Variants in FAM110D observed in about 807,000 individuals in gnomAD.
FAM110D encodes the protein family with sequence similarity 110 member D, also known as protein FAM110D.
For synonymous variants in FAM110D, 174 were observed against 189.4 expected, an observed-to-expected ratio of 0.92 and a Z score of 0.67; for missense variants, 376 against 395.6, an observed-to-expected ratio of 0.95 and a Z score of 0.42.
At position 26,162,764 on chromosome 1, in the gene FAM110D, A is replaced by G. The variant is rs2088382941; in HGVS notation, c.*657A>G. ...AGAAATCTGGGCTCCACCAGATCCT[A>G]AAAGGCCCCATTCCCGGAGTTTTGC... On this transcript the variant is annotated 3_prime_UTR_variant, in exon 2 of 2. Transcript: ENST00000374268. This position sits in a 1 kb window ranked among gnomAD's most constrained non-coding sequence, Gnocchi z 5.3. 1 of 152,158 alleles carries G rather than the reference A, an allele frequency of 6.6e-6. No homozygotes were observed. Among genetic ancestry groups the G allele is most frequent in the Non-Finnish European group, 1.5e-5 (1 of 68,022 alleles). 9.4% of individuals were successfully genotyped at this position (152,158 alleles called of 1,614,324 possible). A position where few individuals can be genotyped will look rare whatever the true frequency, so the allele number is the denominator to read the frequency against.
chr1:26,162,131 CG>C lies in FAM110D; in HGVS notation c.*27del. ...GACCGCCGCGGCTCCGGACTGGCCC[CG>C]GGACTGGCCCCGGGCACGGAAAAGG... On this transcript the variant is annotated 3_prime_UTR_variant, in exon 2 of 2. Coordinates refer to ENST00000374268, the MANE Select transcript of FAM110D (RefSeq NM_024869.3). This position sits in a 1 kb window ranked among gnomAD's most constrained non-coding sequence, Gnocchi z 5.3. 1.6e-6 allele frequency: 2 copies of C among 1,235,214 alleles called. No homozygotes were observed. Among genetic ancestry groups the C allele is most frequent in the Non-Finnish European group, 2.0e-6 (2 of 982,028 alleles). The allele number at this position is 1,235,214 out of a possible 1,614,324, so 76.5% of individuals were successfully genotyped here.
At chr1:26,159,580 G>T (rs2088341591) in intron 1 of FAM110D, among the ~76,000 whole-genome samples, 1 of 151,076 alleles carries the variant, frequency 6.6e-6, no homozygotes, top group African/African-American at 2.4e-5. Context: ...GACTCTCCTT[G>T]GTTCCCAGGC....
In FAM110D at chr1:26,163,818, T is replaced by C. The variant is rs941373676; in HGVS notation, c.*1711T>C. Reference sequence around the variant, plus strand: ...GGTTCTCTAGTTAATCTTTGACCTTTTTCCTAGTACAGGGACGGCGCACAT... The same window carrying C: ...GGTTCTCTAGTTAATCTTTGACCTTCTTCCTAGTACAGGGACGGCGCACAT... On this transcript the variant is annotated 3_prime_UTR_variant, in exon 2 of 2. Coordinates refer to ENST00000374268, the MANE Select transcript of FAM110D (RefSeq NM_024869.3). 9.7e-6 allele frequency: 2 copies of C among 207,162 alleles called. No individual in the cohort carries two copies. Among genetic ancestry groups the C allele is most frequent in the Non-Finnish European group, 1.9e-5 (2 of 105,332 alleles). The allele number at this position is 207,162 out of a possible 1,614,324, so 12.8% of individuals were successfully genotyped here.
In FAM110D at chr1:26,161,163, G is replaced by A; in HGVS notation, c.-80-49G>A. ...ATACTGAGGAATGCCGGCAGGAGAG[G>A]ACCAGGGGCATTTCCTACCCTTCCC... On this transcript the variant is annotated intron_variant, in intron 1 of 1. Coordinates refer to ENST00000374268, the MANE Select transcript of FAM110D (RefSeq NM_024869.3). The surrounding 1 kb of genome is among the most constrained non-coding windows in gnomAD (Gnocchi z 5.4). The A allele has an allele frequency of 2.1e-6, 2 of 941,186 alleles. No homozygotes were observed. Among genetic ancestry groups the A allele is most frequent in the Non-Finnish European group, 3.1e-6 (2 of 638,052 alleles). The allele number at this position is 941,186 out of a possible 1,614,324, so 58.3% of individuals were successfully genotyped here.
In FAM110D at chr1:26,161,426, G is replaced by A. The variant is rs1037262635; in HGVS notation, c.135G>A (p.Gly45=). The A allele has an allele frequency of 6.3e-7, 1 of 1,592,326 alleles. No homozygotes were observed. The highest frequency in any genetic ancestry group is 8.5e-7 in the Non-Finnish European group (1 of 1,169,878). Residue 45 remains glycine (G), a synonymous_variant, in exon 2 of 2, where the codon GGG becomes GGA. Coordinates refer to ENST00000374268, the MANE Select transcript of FAM110D (RefSeq NM_024869.3). The surrounding 1 kb of genome is among the most constrained non-coding windows in gnomAD (Gnocchi z 5.4). The stretch of plus-strand genomic sequence containing the variant: ...GGCGACAGGAGCCAGCCCTGCGTGG[G>A]AGTCCTGGGCCGCTCACGCCGCACC... ...IARRQEPALR[G]SPGPLTPHPC...
Position 26,161,771 on chromosome 1 carries a change from G to A in FAM110D, c.480G>A (p.Ser160=), listed in dbSNP as rs1219206719. ...GTCCCACGTGCTCGCTGCCCCTGTC[G>A]GAGAAGGAGCGCTTCTTCAACTACT... ...ALCPTCSLPL[S]EKERFFNYCG... Residue 160 remains serine, a synonymous_variant, in exon 2 of 2, where the codon TCG becomes TCA. Transcript: ENST00000374268. This position sits in a 1 kb window ranked among gnomAD's most constrained non-coding sequence, Gnocchi z 5.4. 10 of 1,550,504 alleles carry A rather than the reference G, an allele frequency of 6.4e-6. No individual in the cohort carries two copies. Among genetic ancestry groups the A allele is most frequent in the Non-Finnish European group, 7.8e-6 (9 of 1,147,700 alleles).
In FAM110D at chr1:26,161,527, C is replaced by A; in HGVS notation, c.236C>A (p.Pro79Gln). 3.9e-6 allele frequency: 6 copies of A among 1,550,738 alleles called. No homozygotes were observed. The highest frequency in any genetic ancestry group is 5.2e-6 in the Non-Finnish European group (6 of 1,147,102). Residue 79 changes from proline to glutamine, a missense_variant, in exon 2 of 2, where the codon CCG becomes CAG. Coordinates refer to ENST00000374268, the MANE Select transcript of FAM110D (RefSeq NM_024869.3). The surrounding 1 kb of genome is among the most constrained non-coding windows in gnomAD (Gnocchi z 5.4). ...CGCCGGGGAAGCGGCAGGCGGCTGC[C>A]GAGGCCTGATTCCCTCATCTTCTAC... ...PVRRGSGRRL[P>Q]RPDSLIFYRQ... is the part of the protein sequence containing the mutation.
In FAM110D at chr1:26,162,364, C is replaced by T. The variant is rs1196711853; in HGVS notation, c.*257C>T. ...TTGGGGTGGGAGATGAGCAAACCTG[C>T]TGAATAAAGTTAAAACGTTATTTAA... On this transcript the variant is annotated 3_prime_UTR_variant, in exon 2 of 2. Transcript: ENST00000374268. This position sits in a 1 kb window ranked among gnomAD's most constrained non-coding sequence, Gnocchi z 5.3. 2 of 337,014 alleles carry T rather than the reference C, an allele frequency of 5.9e-6. No homozygotes were observed. The highest frequency in any genetic ancestry group is 4.9e-5 in the Admixed American group (1 of 20,268). The allele number at this position is 337,014 out of a possible 1,614,324, so 20.9% of individuals were successfully genotyped here.
chr1:26,162,087 C>T lies in FAM110D; in HGVS notation c.796C>T (p.Pro266Ser). Residue 266 changes from proline (P) to serine (S), a missense_variant, in exon 2 of 2, where the codon CCG (proline) becomes TCG (serine). Transcript: ENST00000374268. The surrounding 1 kb of genome is among the most constrained non-coding windows in gnomAD (Gnocchi z 5.3). ...LYGCQRARGPPRESEV is the reference protein window; with the variant it reads ...LYGCQRARGPSRESEV The stretch of plus-strand genomic sequence containing the variant: ...CGGCTGCCAGCGCGCCCGCGGACCG[C>T]CGCGCGAGTCCGAGGTGTGACCGCC... 1 of 1,271,004 alleles carries T rather than the reference C, an allele frequency of 7.9e-7. No individual in the cohort carries two copies. The highest frequency in any genetic ancestry group is 9.9e-7 in the Non-Finnish European group (1 of 1,009,568). 78.7% of individuals were successfully genotyped at this position (1,271,004 alleles called of 1,614,324 possible).
Position 26,162,333 on chromosome 1 carries a change from T to A in FAM110D, c.*226T>A, listed in dbSNP as rs150394503. 6.2e-5 allele frequency: 23 copies of A among 368,940 alleles called. No homozygotes were observed. The Middle Eastern group carries it at 3.7e-3, about 59-fold the overall frequency. The allele number at this position is 368,940 out of a possible 1,614,324, so 22.9% of individuals were successfully genotyped here. On this transcript the variant is annotated 3_prime_UTR_variant, in exon 2 of 2. Transcript: ENST00000374268. This position sits in a 1 kb window ranked among gnomAD's most constrained non-coding sequence, Gnocchi z 5.3. ...CCCTGTGGAGACCCGGTCTGGGGAG[T>A]CACGATTGGGGTGGGAGATGAGCAA... is the stretch of plus-strand genomic sequence containing the variant.
Position 26,162,147 on chromosome 1 carries a change from C to T in FAM110D, c.*40C>T. ...GACTGGCCCCGGGACTGGCCCCGGG[C>T]ACGGAAAAGGACACCCCTCTTCTGG... On this transcript the variant is annotated 3_prime_UTR_variant, in exon 2 of 2. Transcript: ENST00000374268. The surrounding 1 kb of genome is among the most constrained non-coding windows in gnomAD (Gnocchi z 5.3). The T allele has an allele frequency of 4.2e-6, 5 of 1,201,056 alleles. No individual in the cohort carries two copies. Among genetic ancestry groups the T allele is most frequent in the Non-Finnish European group, 5.3e-6 (5 of 951,196 alleles). The allele number at this position is 1,201,056 out of a possible 1,614,324, so 74.4% of individuals were successfully genotyped here. A position where few individuals can be genotyped will look rare whatever the true frequency, so the allele number is the denominator to read the frequency against.
chr1:26,161,934 G>A lies in FAM110D; in HGVS notation c.643G>A (p.Asp215Asn), dbSNP rs1207849076. Residue 215 changes from aspartate to asparagine, a missense_variant, in exon 2 of 2, where the codon GAC becomes AAC. Coordinates refer to ENST00000374268, the MANE Select transcript of FAM110D (RefSeq NM_024869.3). This position sits in a 1 kb window ranked among gnomAD's most constrained non-coding sequence, Gnocchi z 5.4. Reference protein sequence around the residue: ...SGDASDWTSSDRGVDSPGGAG... With the variant: ...SGDASDWTSSNRGVDSPGGAG... ...GGACGCCAGCGACTGGACATCCAGC[G>A]ACAGGGGCGTGGACAGCCCGGGCGG... 1 of 1,400,990 alleles carries A rather than the reference G, an allele frequency of 7.1e-7. No individual in the cohort carries two copies. The highest frequency in any genetic ancestry group is 2.9e-5 in the East Asian group (1 of 34,308). The allele number at this position is 1,400,990 out of a possible 1,614,324, so 86.8% of individuals were successfully genotyped here.
chr1:26,161,308 C>T lies in FAM110D; in HGVS notation c.17C>T (p.Pro6Leu). Residue 6 changes from proline (P) to leucine (L), a missense_variant, in exon 2 of 2, where the codon CCC (proline) becomes CTC (leucine). Transcript: ENST00000374268. This position sits in a 1 kb window ranked among gnomAD's most constrained non-coding sequence, Gnocchi z 5.4. MLLAP[P>L]STPSRGRTPS... ...TCTGCTAAGATGCTCCTGGCCCCTC[C>T]CTCCACCCCGTCCAGAGGACGGACC... is the stretch of plus-strand genomic sequence containing the variant. The T allele has an allele frequency of 1.3e-6, 2 of 1,582,518 alleles. No homozygotes were observed. The highest frequency in any genetic ancestry group is 1.7e-6 in the Non-Finnish European group (2 of 1,164,738).
chr1:26,161,747 T>C lies in FAM110D; in HGVS notation c.456T>C (p.Cys152=), dbSNP rs2088370473. Residue 152 remains cysteine, a synonymous_variant, in exon 2 of 2, where the codon TGT becomes TGC. Transcript: ENST00000374268. The surrounding 1 kb of genome is among the most constrained non-coding windows in gnomAD (Gnocchi z 5.4). ...AAGCGGCGGGAAAGCGGGCGCTGTG[T>C]CCCACGTGCTCGCTGCCCCTGTCGG... The part of the protein sequence containing the change: ...APEAAGKRAL[C]PTCSLPLSEK... 2.6e-6 allele frequency: 4 copies of C among 1,548,946 alleles called. No individual in the cohort carries two copies. The highest frequency in any genetic ancestry group is 3.5e-6 in the Non-Finnish European group (4 of 1,146,728).
At position 26,162,714 on chromosome 1, in the gene FAM110D, G is replaced by A. The variant is rs1476833123; in HGVS notation, c.*607G>A. Reference sequence around the variant, plus strand: ...CTGGGAGCTGGGAATAATGCGCTTTGGGAGCCCGAGGAGGCGTCTGCTCCA... The same window carrying A: ...CTGGGAGCTGGGAATAATGCGCTTTAGGAGCCCGAGGAGGCGTCTGCTCCA... On this transcript the variant is annotated 3_prime_UTR_variant, in exon 2 of 2. Transcript: ENST00000374268. This position sits in a 1 kb window ranked among gnomAD's most constrained non-coding sequence, Gnocchi z 5.3. 6.6e-6 allele frequency: 1 copy of A among 152,394 alleles called. No homozygotes were observed. Among genetic ancestry groups the A allele is most frequent in the Non-Finnish European group, 1.5e-5 (1 of 68,040 alleles). 9.4% of individuals were successfully genotyped at this position (152,394 alleles called of 1,614,324 possible).
In FAM110D at chr1:26,162,024, G is replaced by C. The variant is rs2088376014; in HGVS notation, c.733G>C (p.Val245Leu). ...GCGGGACCGGCGCCCCCCGGTGTCG[G>C]TGGTGGAGCGCAACGCGCGCGTCAT... ...SARDRRPPVS[V>L]VERNARVIQW... Residue 245 changes from valine (V) to leucine (L), a missense_variant, in exon 2 of 2, where the codon GTG becomes CTG. By Grantham distance (32) the Val-to-Leu change is conservative. Transcript: ENST00000374268. The surrounding 1 kb of genome is among the most constrained non-coding windows in gnomAD (Gnocchi z 5.3). 8.0e-7 allele frequency: 1 copy of C among 1,246,742 alleles called. No individual in the cohort carries two copies. The highest frequency in any genetic ancestry group is 1.6e-5 in the African/African-American group (1 of 64,144). 77.2% of individuals were successfully genotyped at this position (1,246,742 alleles called of 1,614,324 possible). A position where few individuals can be genotyped will look rare whatever the true frequency, so the allele number is the denominator to read the frequency against.
chr1:26,161,810 C>T lies in FAM110D; in HGVS notation c.519C>T (p.Arg173=). 1.3e-6 allele frequency: 2 copies of T among 1,548,960 alleles called. No homozygotes were observed. Among genetic ancestry groups the T allele is most frequent in the Non-Finnish European group, 1.7e-6 (2 of 1,147,426 alleles). ...TCTTCAACTACTGCGGCCTGGAGCGCGCGCTGGTGGAGGTGCTGGGCGCAG... is the reference window on the plus strand; with the variant it reads ...TCTTCAACTACTGCGGCCTGGAGCGTGCGCTGGTGGAGGTGCTGGGCGCAG... ...ERFFNYCGLE[R]ALVEVLGAER... is the part of the protein sequence containing the mutation. Residue 173 remains arginine (R), a synonymous_variant, in exon 2 of 2, where the codon CGC becomes CGT. Transcript: ENST00000374268. This position sits in a 1 kb window ranked among gnomAD's most constrained non-coding sequence, Gnocchi z 5.4.
In FAM110D at chr1:26,159,479, T is replaced by G. The variant is rs559047000; in HGVS notation, c.-81+353T>G. ...AAGAGGAGAGGACAGAGGGCACCCA[T>G]GGGGTCAGACAAGCAGTGCCTTCCT... On this transcript the variant is annotated intron_variant, in intron 1 of 1. Coordinates refer to ENST00000374268, the MANE Select transcript of FAM110D (RefSeq NM_024869.3). Among the ~76,000 whole-genome samples, 14 of 151,950 alleles carry G rather than the reference T, an allele frequency of 9.2e-5. No homozygotes were observed. In the East Asian group the frequency reaches 2.7e-3, roughly 29 times the overall value.
In FAM110D at chr1:26,161,476, C is replaced by T; in HGVS notation, c.185C>T (p.Ala62Val). The change falls in exon 2 of 2, where the codon GCA (alanine) becomes GTA (valine). Residue 62 changes from alanine to valine, a missense_variant. By Grantham distance (64) the Ala-to-Val change is moderately conservative (BLOSUM62 0). Coordinates refer to ENST00000374268, the MANE Select transcript of FAM110D (RefSeq NM_024869.3). This position sits in a 1 kb window ranked among gnomAD's most constrained non-coding sequence, Gnocchi z 5.4. ...CCCTGCAACGAGCTGGGGCCCCCTGCATCGCCCAGGACGCCCAGGCCGGTC... is the reference window on the plus strand; with the variant it reads ...CCCTGCAACGAGCTGGGGCCCCCTGTATCGCCCAGGACGCCCAGGCCGGTC... Reference protein sequence around the residue: ...PHPCNELGPPASPRTPRPVRR... With the variant: ...PHPCNELGPPVSPRTPRPVRR... The T allele has an allele frequency of 6.4e-7, 1 of 1,558,500 alleles. No homozygotes were observed. The highest frequency in any genetic ancestry group is 8.7e-7 in the Non-Finnish European group (1 of 1,151,714).
Sources: gnomAD v4.1 joint callset for allele counts (sites outside exome capture counted in the v4.1 genomes callset) on GRCh38, gnomAD v4.1.1 for gene constraint, Gnocchi (gnomAD v3.1) non-coding constraint, MANE v1.5 for transcripts, NCBI Gene and HGNC (gene_info 2026-07-23, HGNC 2026-07-21) for gene names.